The following MCMDC2 variants were observed in gnomAD, a reference collection of about 807,000 sequenced individuals.
The protein encoded by MCMDC2 is minichromosome maintenance domain containing 2.
MCMDC2 carries 54 observed loss-of-function variants against 75.8 expected under a neutral mutation model. The observed-to-expected ratio is 0.71, with a 90% CI of 0.57 to 0.89. The LOEUF (loss-of-function observed/expected upper bound fraction) is 0.89. MCMDC2 is among the 40% of genes least tolerant of loss of function. The pLI, the probability that MCMDC2 is intolerant of heterozygous loss-of-function variation, is 0.00. For missense variants in MCMDC2, 656 were observed against 780.4 expected (o/e 0.84, Z 1.90); for synonymous variants, 249 against 274.6 (o/e 0.91, Z 0.92).
chr8:66,910,678 G>A (rs773281206), intron 14 of MCMDC2, among the ~76,000 whole-genome samples: 11 of 152,050 alleles, frequency 7.2e-5, no homozygotes, highest in East Asian at 1.9e-4. Flanking sequence ...GCATGGTGGC[G>A]GGTGCCTACA....
chr8:66,919,793 G>T lies in MCMDC2; in HGVS notation c.*624G>T, dbSNP rs548432637. ...GTTAAATGAAAAAAATACTTTACAC[G>T]GAAACAAGGAGCCAATAACTTATAA... On this transcript the variant is annotated 3_prime_UTR_variant, in exon 15 of 15. Transcript: ENST00000422365. 6.6e-6 allele frequency: 1 copy of T among 152,008 alleles called. No individual in the cohort carries two copies. Among genetic ancestry groups the T allele is most frequent in the Non-Finnish European group, 1.5e-5 (1 of 68,014 alleles). 9.4% of individuals were successfully genotyped at this position (152,008 alleles called of 1,614,324 possible).
At chr8:66,882,784 T>C (rs1811651365) in intron 8 of MCMDC2, among the ~76,000 whole-genome samples, 1 of 152,176 alleles carries the variant, frequency 6.6e-6, no homozygotes. Context: ...GAAAAGCTTC[T>C]TAAAAAAACA....
At chr8:66,917,569 C>T (rs1229106721) in intron 14 of MCMDC2, among the ~76,000 whole-genome samples, 1 of 152,186 alleles carries the variant, frequency 6.6e-6, no homozygotes, top group Non-Finnish European at 1.5e-5. Context: ...AGTAATTCCT[C>T]GTTTCCTCCT....
intron 3 of MCMDC2, 26 bp from the exon 4 acceptor site, chr8:66,874,501 G>T (rs767295405): frequency 3.1e-6 from 5 of 1,612,510 alleles, no homozygotes; most frequent in Middle Eastern, 3.3e-4. Context: ...GGAATTTTTG[G>T]TAACTTTTTT....
Position 66,877,511 on chromosome 8 carries a change from C to A in MCMDC2, c.448C>A (p.Leu150Ile), listed in dbSNP as rs1254899862. ...CAAGTATACACAAGGGGCAAGATTT[C>A]TTTGTTCAGATGAAGCATGCCCTCT... ...ITKYTQGARF[L>I]CSDEACPLSK... Residue 150 changes from leucine to isoleucine, a missense_variant, in exon 5 of 15, where the codon CTT (leucine) becomes ATT (isoleucine). Coordinates refer to ENST00000422365, the MANE Select transcript of MCMDC2 (RefSeq NM_173518.5). 2 of 1,605,520 alleles carry A rather than the reference C, an allele frequency of 1.2e-6. No individual in the cohort carries two copies. The highest frequency in any genetic ancestry group is 1.3e-5 in the African/African-American group (1 of 74,254).
chr8:66,922,300 A>G (rs1285564893), downstream of MCMDC2: 1 of 301,826 alleles, frequency 3.3e-6, no homozygotes, highest in Non-Finnish European at 6.6e-6. Flanking sequence ...GTCAGCAGAC[A>G]TAGTTGCTTG....
intron 8 of MCMDC2, among the ~76,000 whole-genome samples, chr8:66,882,991 A>C (rs1456729050): frequency 1.3e-5 from 2 of 152,228 alleles, no homozygotes; most frequent in Non-Finnish European, 2.9e-5. Context: ...GCTGGACTAA[A>C]GTAGGCCTCT....
At chr8:66,871,869 C>T (rs1005558455) in intron 1 of MCMDC2, among the ~76,000 whole-genome samples, 6 of 151,584 alleles carry the variant, frequency 4.0e-5, no homozygotes, top group Non-Finnish European at 7.4e-5. Flanking sequence ...CACTGCAACT[C>T]CAACCTGGGC....
intron 13 of MCMDC2, 151 bp downstream of exon 13, chr8:66,901,499 T>C: frequency 7.3e-7 from 1 of 1,365,324 alleles, no homozygotes; most frequent in Non-Finnish European, 9.4e-7. Flanking sequence ...ACTAAAGGCT[T>C]CACAATTCCT....
chr8:66,914,834 G>A lies in MCMDC2; in HGVS notation c.1880-4169G>A, dbSNP rs190200869. ...AGAAATTAGTGAATTAGAGATACAC[G>A]TTAGATGCACAAACCAATAGGTTGT... On this transcript the variant is annotated intron_variant, in intron 14 of 14. Transcript: ENST00000422365. Among the ~76,000 whole-genome samples the A allele has an allele frequency of 6.7e-4, 102 of 152,140 alleles. No individual in the cohort carries two copies. In the East Asian group the frequency reaches 0.013, roughly 19 times the overall value.
At chr8:66,918,075 T>TTTA (rs1361385277) in intron 14 of MCMDC2, among the ~76,000 whole-genome samples, 3 of 152,240 alleles carry the variant, frequency 2.0e-5, no homozygotes, top group African/African-American at 7.2e-5. Flanking sequence ...CATTTTGTTT[T>TTTA]TTATTTTTAT....
At chr8:66,897,107 T>C (rs552378495) in intron 12 of MCMDC2, 148 bp downstream of exon 12, 2 of 758,536 alleles carry the variant, frequency 2.6e-6, no homozygotes, top group African/African-American at 1.8e-5. Context: ...GGACATTGCA[T>C]AGAAGTTATT....
At chr8:66,886,269 A>G (rs1272823704) in intron 9 of MCMDC2, among the ~76,000 whole-genome samples, 3 of 151,386 alleles carry the variant, frequency 2.0e-5, no homozygotes, top group Non-Finnish European at 2.9e-5. Context: ...TGTTCAAGCA[A>G]TTCCCCTGTT....
chr8:66,911,908 A>G (rs1813138224), intron 14 of MCMDC2, among the ~76,000 whole-genome samples: 1 of 152,174 alleles, frequency 6.6e-6, no homozygotes, highest in Admixed American at 6.5e-5. Context: ...ATGAAGATGT[A>G]CAAGGACATG....
chr8:66,908,564 A>G (rs1276976445), intron 14 of MCMDC2, among the ~76,000 whole-genome samples: 3 of 152,156 alleles, frequency 2.0e-5, no homozygotes, highest in African/African-American at 7.2e-5. Context: ...TTGAAGAATT[A>G]TAGTATTATT....
intron 9 of MCMDC2, among the ~76,000 whole-genome samples, chr8:66,884,898 T>TCACAG (rs1811760782): frequency 1.3e-5 from 2 of 152,102 alleles, no homozygotes; most frequent in Admixed American, 6.6e-5. Flanking sequence ...AGCCTCAGCC[T>TCACAG]CCTGAGTAGC....
Position 66,874,322 on chromosome 8 carries a change from A to G in MCMDC2, c.95-4A>G. On this transcript the variant is annotated splice_polypyrimidine_tract_variant and splice_region_variant and intron_variant, in intron 2 of 14. Coordinates refer to ENST00000422365, the MANE Select transcript of MCMDC2 (RefSeq NM_173518.5). Reference sequence around the variant, plus strand: ...CTGACTTTTACATTTGTATATTTTCATAGATTCAAAACAAAGCTATGCTGT... The same window carrying G: ...CTGACTTTTACATTTGTATATTTTCGTAGATTCAAAACAAAGCTATGCTGT... 1 of 1,607,550 alleles carries G rather than the reference A, an allele frequency of 6.2e-7. No homozygotes were observed. Among genetic ancestry groups the G allele is most frequent in the Non-Finnish European group, 8.5e-7 (1 of 1,178,184 alleles).
intron 10 of MCMDC2, among the ~76,000 whole-genome samples, chr8:66,891,977 G>C (rs1812129924): frequency 6.6e-6 from 1 of 152,224 alleles, no homozygotes; most frequent in African/African-American, 2.4e-5. Flanking sequence ...GGAGATACCA[G>C]CAACGGTGGA....
At chr8:66,889,492 T>C (rs564754575) in intron 9 of MCMDC2, among the ~76,000 whole-genome samples, 2 of 152,120 alleles carry the variant, frequency 1.3e-5, no homozygotes, top group Admixed American at 6.5e-5. Flanking sequence ...AGACTCTGTC[T>C]CTTAAGAGAA....
Sources: allele counts gnomAD v4.1 joint callset (sites outside exome capture counted in the v4.1 genomes callset), GRCh38; gene constraint gnomAD v4.1.1; transcripts MANE v1.5; gene names NCBI Gene and HGNC (gene_info 2026-07-23, HGNC 2026-07-21).